Variants in MDGA2 observed in about 807,000 individuals in gnomAD.
The protein encoded by MDGA2 is MAM domain-containing glycosylphosphatidylinositol anchor protein 2.
In MDGA2, 40 loss-of-function variants were observed where a neutral mutation model predicts 117.8. That is an observed-to-expected ratio of 0.34 (90% CI 0.26 to 0.44). The LOEUF (loss-of-function observed/expected upper bound fraction) is 0.44, where lower values mean the gene tolerates loss of function less well. MDGA2 is among the 20% of genes least tolerant of loss of function. MDGA2 has a pLI of 1.00. For synonymous variants in MDGA2, 452 were observed against 439.0 expected, an observed-to-expected ratio of 1.03 and a Z score of -0.37; for missense variants, 1,123 against 1,250.6, an observed-to-expected ratio of 0.90 and a Z score of 1.54.
At chr14:47,096,763 A>G (rs772888820) in intron 6 of MDGA2, 91 bp downstream of exon 6, 6 of 1,255,934 alleles carry the variant, frequency 4.8e-6, no homozygotes, top group Middle Eastern at 2.0e-4. Flanking sequence ...TACATGCAAT[A>G]TTTGAGGAGG....
intron 8 of MDGA2, among the ~76,000 whole-genome samples, chr14:47,000,816 C>G (rs191315318): frequency 2.0e-5 from 3 of 151,986 alleles, no homozygotes; most frequent in Admixed American, 2.0e-4. Flanking sequence ...AATGTTCCTT[C>G]AAGTATCAAC....
intron 8 of MDGA2, among the ~76,000 whole-genome samples, chr14:46,971,506 T>A (rs1410933649): frequency 6.6e-6 from 1 of 151,950 alleles, no homozygotes; most frequent in African/African-American, 2.4e-5. Context: ...GATTAAAAAA[T>A]TAGATCTTAT....
intron 1 of MDGA2, among the ~76,000 whole-genome samples, chr14:47,615,630 G>A (rs1447473763): frequency 6.6e-6 from 1 of 152,132 alleles, no homozygotes; most frequent in Non-Finnish European, 1.5e-5. Context: ...GAGGATAGAA[G>A]GAAGAGGACA....
At chr14:47,286,953 T>C (rs1168784784) in intron 2 of MDGA2, among the ~76,000 whole-genome samples, 1 of 151,506 alleles carries the variant, frequency 6.6e-6, no homozygotes, top group African/African-American at 2.4e-5. Context: ...TTGATTATTC[T>C]CTTTTATAAT....
chr14:47,653,248 G>GA (rs1202489280), intron 1 of MDGA2, among the ~76,000 whole-genome samples: 3 of 152,076 alleles, frequency 2.0e-5, no homozygotes, highest in Admixed American at 2.0e-4. Flanking sequence ...TTTTCCAGGA[G>GA]AATAGATTTC....
intron 9 of MDGA2, among the ~76,000 whole-genome samples, chr14:46,937,789 T>C (rs1392509652): frequency 6.6e-6 from 1 of 152,128 alleles, no homozygotes; most frequent in Non-Finnish European, 1.5e-5. Context: ...TTACTCTATA[T>C]AAAAATTAAT....
intron 10 of MDGA2, among the ~76,000 whole-genome samples, chr14:46,886,821 C>T (rs1033126697): frequency 6.6e-6 from 1 of 151,954 alleles, no homozygotes; most frequent in Non-Finnish European, 1.5e-5. Context: ...TCCTTATTTT[C>T]TTTTCCTGTG....
intron 4 of MDGA2, among the ~76,000 whole-genome samples, chr14:47,137,628 C>T (rs1446923444): frequency 6.6e-6 from 1 of 152,160 alleles, no homozygotes; most frequent in Non-Finnish European, 1.5e-5. Flanking sequence ...CCACATCATG[C>T]TTCCTGTACA....
rs199870483 is a variant in MDGA2, at chr14:46,873,556, A to G, written c.2629T>C (p.Leu877=). The change falls in exon 14 of 17, where the codon TTG becomes CTG. Residue 877 remains leucine, a synonymous_variant. Transcript: ENST00000399232. Reference sequence around the variant, plus strand: ...AGAAGTCGAGCCTTTTCGCCTTCCAATCTGGGTCGTGATGTCTCAATGTAC... The same window carrying G: ...AGAAGTCGAGCCTTTTCGCCTTCCAGTCTGGGTCGTGATGTCTCAATGTAC... ...YMYIETSRPR[L]EGEKARLLSP... is the part of the protein sequence containing the mutation. 2.0e-5 allele frequency: 33 copies of G among 1,612,436 alleles called. No individual in the cohort carries two copies. Among genetic ancestry groups the G allele is most frequent in the South Asian group, 1.1e-4 (10 of 91,042 alleles).
At chr14:47,643,425 T>A (rs1897466669) in intron 1 of MDGA2, among the ~76,000 whole-genome samples, 1 of 152,056 alleles carries the variant, frequency 6.6e-6, no homozygotes, top group Admixed American at 6.5e-5. Flanking sequence ...CTCTACACCA[T>A]CAGATTTGCT....
chr14:47,282,051 A>G (rs12050085), intron 2 of MDGA2, among the ~76,000 whole-genome samples: 30,562 of 89,892 alleles, frequency 0.34, 3,832 homozygotes, highest in East Asian at 0.56. Context: ...CCGTCTCGGG[A>G]AAAAAAAAAA....
At chr14:46,915,501 A>G (rs773201109) in intron 10 of MDGA2, among the ~76,000 whole-genome samples, 4 of 152,218 alleles carry the variant, frequency 2.6e-5, no homozygotes, top group Non-Finnish European at 5.9e-5. Flanking sequence ...ATAAAATCCT[A>G]TCACTCATTT....
chr14:47,148,237 G>A (rs1208559916), intron 3 of MDGA2, among the ~76,000 whole-genome samples: 1 of 152,068 alleles, frequency 6.6e-6, no homozygotes, highest in Non-Finnish European at 1.5e-5. Flanking sequence ...TCCCTTTCTG[G>A]GAACTGGGAC....
At position 46,936,984 on chromosome 14, in the gene MDGA2, G is replaced by A. The variant is rs986837811; in HGVS notation, c.2090-16824C>T. On this transcript the variant is annotated intron_variant, in intron 9 of 16. Transcript: ENST00000399232. ...GAAAAAAGTAAAAGGCATCCAAATT[G>A]GAAAAGAGGTCAAATTGTCCCTGTT... 3.3e-5 allele frequency among the ~76,000 whole-genome samples: 5 copies of A among 151,780 alleles called. 1 individual carries two copies. Among genetic ancestry groups the A allele is most frequent in the African/African-American group, 9.7e-5 (4 of 41,298 alleles).
intron 3 of MDGA2, among the ~76,000 whole-genome samples, chr14:47,159,868 TATTA>T (rs1488844888): frequency 6.6e-6 from 1 of 152,222 alleles, no homozygotes; most frequent in Non-Finnish European, 1.5e-5. Context: ...GTTATTTTTC[TATTA>T]ATTTTGTTCA....
intron 1 of MDGA2, among the ~76,000 whole-genome samples, chr14:47,381,656 G>C (rs1277385465): frequency 1.3e-5 from 2 of 152,090 alleles, no homozygotes; most frequent in Non-Finnish European, 2.9e-5. Context: ...ACTTACAAGG[G>C]ATGTAAAGGA....
chr14:47,612,786 T>C (rs1896876605), intron 1 of MDGA2, among the ~76,000 whole-genome samples: 1 of 152,212 alleles, frequency 6.6e-6, no homozygotes, highest in Non-Finnish European at 1.5e-5. Flanking sequence ...TTTATACATA[T>C]TCCACCAGGT....
chr14:47,385,220 A>T (rs1229532031), intron 1 of MDGA2, among the ~76,000 whole-genome samples: 1 of 152,052 alleles, frequency 6.6e-6, no homozygotes, highest in Admixed American at 6.6e-5. Context: ...TCTAATAATT[A>T]TAACTATATA....
downstream of MDGA2, chr14:46,840,080 T>C (rs747720443): frequency 6.6e-6 from 1 of 152,452 alleles, no homozygotes; most frequent in African/African-American, 2.4e-5. Flanking sequence ...CAAACACACA[T>C]ACTGCTTGTC....
Sources: gnomAD v4.1 joint callset for allele counts (sites outside exome capture counted in the v4.1 genomes callset) on GRCh38, gnomAD v4.1.1 for gene constraint, MANE v1.5 for transcripts, NCBI Gene and HGNC (gene_info 2026-07-23, HGNC 2026-07-21) for gene names.